Variants in PTPRZ1 observed in about 807,000 individuals in gnomAD.
PTPRZ1 encodes receptor-type tyrosine-protein phosphatase zeta.
In PTPRZ1, 82 loss-of-function variants were observed where a neutral mutation model predicts 214.1. That is an observed-to-expected ratio of 0.38 (90% CI 0.32 to 0.46). PTPRZ1 has a LOEUF of 0.46. Ranked by LOEUF, PTPRZ1 falls within the 20% of genes least tolerant of loss-of-function variation. The probability of loss-of-function intolerance (pLI) is 1.00; values close to 1 mark genes in which losing one functional copy is unlikely to be tolerated. For missense variants in PTPRZ1, 2,603 were observed against 2,748.7 expected (o/e 0.95, Z 1.19); for synonymous variants, 945 against 987.9 (o/e 0.96, Z 0.81).
At chr7:121,995,669 A>C (rs1798109244) in intron 8 of PTPRZ1, among the ~76,000 whole-genome samples, 1 of 152,192 alleles carries the variant, frequency 6.6e-6, no homozygotes, top group Non-Finnish European at 1.5e-5. Context: ...TAATTTACTT[A>C]TGATAACAAA....
intron 8 of PTPRZ1, among the ~76,000 whole-genome samples, chr7:121,986,191 A>G (rs1797758654): frequency 6.6e-6 from 1 of 152,206 alleles, no homozygotes; most frequent in Admixed American, 6.5e-5. Context: ...GAACCAGACA[A>G]TATTTGACGT....
intron 1 of PTPRZ1, among the ~76,000 whole-genome samples, chr7:121,926,991 GC>G: frequency 6.6e-6 from 1 of 152,162 alleles, no homozygotes; most frequent in East Asian, 1.9e-4. Context: ...TAGCTGGCCT[GC>G]CTTTTAGTTT....
At chr7:121,898,105 T>C (rs1794853187) in intron 1 of PTPRZ1, among the ~76,000 whole-genome samples, 1 of 151,938 alleles carries the variant, frequency 6.6e-6, no homozygotes, top group Non-Finnish European at 1.5e-5. Flanking sequence ...TGATAATGTA[T>C]ATAGAGAGCT....
intron 1 of PTPRZ1, among the ~76,000 whole-genome samples, chr7:121,884,617 T>C (rs2116181281): frequency 6.6e-6 from 1 of 152,304 alleles, no homozygotes; most frequent in East Asian, 1.9e-4. Context: ...TGGGCCCAGT[T>C]AGAGCAGTGA....
At chr7:121,979,787 C>T (rs1013386038) in intron 6 of PTPRZ1, among the ~76,000 whole-genome samples, 2 of 152,158 alleles carry the variant, frequency 1.3e-5, no homozygotes, top group Admixed American at 6.5e-5. Flanking sequence ...AGTGAGGTTA[C>T]TTGGATGAAG....
At chr7:121,996,722 T>C (rs1189750219) in intron 9 of PTPRZ1, among the ~76,000 whole-genome samples, 156 bp downstream of exon 9, 1 of 152,188 alleles carries the variant, frequency 6.6e-6, no homozygotes. Context: ...AAAAAAAATT[T>C]TAAATTAGAA....
chr7:121,983,939 A>G (rs1433629602), intron 7 of PTPRZ1, 28 bp from the exon 8 acceptor site: 2 of 1,606,436 alleles, frequency 1.2e-6, no homozygotes, highest in Non-Finnish European at 1.7e-6. Context: ...TGAAGCAGAT[A>G]TGTTAAATTA....
At chr7:121,957,779 A>T (rs890921225) in intron 2 of PTPRZ1, among the ~76,000 whole-genome samples, 1 of 152,120 alleles carries the variant, frequency 6.6e-6, no homozygotes, top group African/African-American at 2.4e-5. Flanking sequence ...CAACTGCCAA[A>T]CTTCTCCTCC....
At chr7:121,976,901 T>A in intron 6 of PTPRZ1, 50 bp downstream of exon 6, 1 of 1,507,408 alleles carries the variant, frequency 6.6e-7, no homozygotes. Flanking sequence ...TTTGGATGGA[T>A]AAGAATGTTG....
intron 1 of PTPRZ1, among the ~76,000 whole-genome samples, chr7:121,895,843 CT>C (rs1316087313): frequency 2.0e-5 from 3 of 152,172 alleles, no homozygotes; most frequent in Non-Finnish European, 4.4e-5. Context: ...GGCTTAGCAT[CT>C]TCCCTCTTCC....
At chr7:122,053,839 T>G (rs1317463076) in intron 25 of PTPRZ1, 71 bp from the exon 26 acceptor site, 1 of 1,550,810 alleles carries the variant, frequency 6.4e-7, no homozygotes, top group African/African-American at 1.4e-5. Flanking sequence ...GGTCCATTGA[T>G]GTATAAATGC....
At chr7:121,978,162 G>T (rs1797499116) in intron 6 of PTPRZ1, among the ~76,000 whole-genome samples, 1 of 152,152 alleles carries the variant, frequency 6.6e-6, no homozygotes, top group Non-Finnish European at 1.5e-5. Context: ...AAGATACTTT[G>T]TCAGATACAC....
intron 1 of PTPRZ1, among the ~76,000 whole-genome samples, chr7:121,924,522 G>A (rs1335315386): frequency 6.6e-6 from 1 of 152,114 alleles, no homozygotes; most frequent in Non-Finnish European, 1.5e-5. Context: ...CCAACACCTG[G>A]GAATCTTGTA....
chr7:121,891,451 CTTTTTTTTTTTTTTT>C (rs58135453), intron 1 of PTPRZ1, among the ~76,000 whole-genome samples: 1 of 35,744 alleles, frequency 2.8e-5, no homozygotes, highest in Non-Finnish European at 5.2e-5. Context: ...AAAACAACCT[CTTTTTTTTTTTTTTT>C]TTTTTTTTTT....
At chr7:121,894,613 G>A (rs776009483) in intron 1 of PTPRZ1, among the ~76,000 whole-genome samples, 22 of 151,940 alleles carry the variant, frequency 1.4e-4, no homozygotes, top group Admixed American at 7.9e-4. Flanking sequence ...GCTATGTTGC[G>A]TAGGCTCACC....
intron 10 of PTPRZ1, among the ~76,000 whole-genome samples, chr7:122,000,710 G>T (rs1798297630): frequency 9.8e-6 from 1 of 101,836 alleles, no homozygotes; most frequent in African/African-American, 3.9e-5. Flanking sequence ...TATTTGAGGT[G>T]GAGTCTTGCT....
intron 1 of PTPRZ1, among the ~76,000 whole-genome samples, chr7:121,913,172 T>G (rs1423139698): frequency 6.6e-6 from 1 of 152,144 alleles, no homozygotes; most frequent in Non-Finnish European, 1.5e-5. Flanking sequence ...AGATACCATA[T>G]GATGCATGAG....
At chr7:122,051,551 C>T in intron 24 of PTPRZ1, 30 bp downstream of exon 24, 1 of 1,568,578 alleles carries the variant, frequency 6.4e-7, no homozygotes, top group Non-Finnish European at 8.7e-7. Flanking sequence ...GAAAAAACAA[C>T]TTTTTTAAAA....
intron 6 of PTPRZ1, among the ~76,000 whole-genome samples, chr7:121,977,229 T>C (rs1473571297): frequency 6.6e-6 from 1 of 152,216 alleles, no homozygotes; most frequent in Non-Finnish European, 1.5e-5. Flanking sequence ...TATTTTAAAG[T>C]AGAAAAGGAA....
Sources: allele counts gnomAD v4.1 joint callset (sites outside exome capture counted in the v4.1 genomes callset), GRCh38; gene constraint gnomAD v4.1.1; transcripts MANE v1.5; gene names NCBI Gene and HGNC (gene_info 2026-07-23, HGNC 2026-07-21).